The following TJP1 variants were observed in gnomAD, a reference collection of about 807,000 sequenced individuals.
TJP1 encodes tight junction protein ZO-1.
TJP1 carries 43 observed loss-of-function variants against 194.2 expected under a neutral mutation model. The observed-to-expected ratio is 0.22, with a 90% CI of 0.17 to 0.29. TJP1 has a LOEUF of 0.29. Among genes scored for constraint, TJP1 ranks in the 10% least tolerant of loss-of-function variants. The pLI is 1.00. For synonymous variants in TJP1, 801 were observed against 779.0 expected, an observed-to-expected ratio of 1.03 and a Z score of -0.47; for missense variants, 1,971 against 2,185.7, an observed-to-expected ratio of 0.90 and a Z score of 1.96.
rs145644312 is a variant in TJP1, at chr15:29,945,162, C to T, written c.306+11070G>A. 2.9e-3 allele frequency among the ~76,000 whole-genome samples: 448 copies of T among 152,278 alleles called. 8 individuals carry two copies. The highest frequency in any genetic ancestry group is 1.7e-3 in the Non-Finnish European group (114 of 68,026). On this transcript the variant is annotated intron_variant, in intron 2 of 28. Coordinates refer to the TJP1 transcript ENST00000356107. ...CTCTGGTGTTTCAAGTATATGGTCA[C>T]GGAGACAAGGGCCAGGTCAAAATGT... is the stretch of plus-strand genomic sequence containing the variant.
intron 1 of TJP1, among the ~76,000 whole-genome samples, chr15:29,803,488 T>C (rs983297926): frequency 6.6e-6 from 1 of 152,092 alleles, no homozygotes; most frequent in African/African-American, 2.4e-5. Context: ...TGATACTGGG[T>C]AGGTTGGGTG....
At chr15:29,867,781 C>T (rs982177944) in intron 2 of TJP1, among the ~76,000 whole-genome samples, 6 of 151,996 alleles carry the variant, frequency 3.9e-5, no homozygotes, top group African/African-American at 1.5e-4. Flanking sequence ...TAAGGCTGGA[C>T]GCAGTGGTTC....
In TJP1 at chr15:29,773,357, C is replaced by A; in HGVS notation, c.85G>T (p.Ala29Ser). 1 of 1,612,554 alleles carries A rather than the reference C, an allele frequency of 6.2e-7. No individual in the cohort carries two copies. Among genetic ancestry groups the A allele is most frequent in the Non-Finnish European group, 8.5e-7 (1 of 1,179,176 alleles). The change falls in exon 3 of 28, where the codon GCT (alanine) becomes TCT (serine). Residue 29 changes from alanine (A) to serine (S), a missense_variant and splice_region_variant. Around this residue, in one of 5 missense-constraint regions of TJP1, gnomAD observed 245 missense variants for 336.6 expected, o/e 0.73. Transcript: ENST00000614355. ...GCAATTCCAAATCCAAATCCAGGAG[C>A]CTAAAGTAAAAATTACAGTAAAATA... ...WEQHTVTLHR[A>S]PGFGFGIAIS...
intron 2 of TJP1, among the ~76,000 whole-genome samples, chr15:29,800,254 G>A (rs1475998730): frequency 6.6e-6 from 1 of 152,184 alleles, no homozygotes; most frequent in Non-Finnish European, 1.5e-5. Flanking sequence ...AATCAATTAA[G>A]TATCTTTTAG....
At position 29,831,356 on chromosome 15, in the gene TJP1, CA is replaced by C. The variant is rs532755467; in HGVS notation, c.307-30655del. On this transcript the variant is annotated intron_variant, in intron 2 of 28. Coordinates refer to the TJP1 transcript ENST00000356107. The stretch of plus-strand genomic sequence containing the variant: ...TTAGCATCACTGAAGGCAAGACAAG[CA>C]AACATTTATGCCTCCCATGTGAGGC... 2.4e-3 allele frequency among the ~76,000 whole-genome samples: 371 copies of C among 152,290 alleles called. 3 individuals are homozygous for C. The highest frequency in any genetic ancestry group is 8.5e-3 in the African/African-American group (352 of 41,546).
At chr15:29,958,884 T>G (rs2056049269) in intron 1 of TJP1, among the ~76,000 whole-genome samples, 1 of 149,512 alleles carries the variant, frequency 6.7e-6, no homozygotes, top group African/African-American at 2.5e-5. Context: ...TTGTGATTCT[T>G]TAACTTACTT....
At chr15:29,949,485 C>T (rs1275687850) in intron 2 of TJP1, among the ~76,000 whole-genome samples, 2 of 146,498 alleles carry the variant, frequency 1.4e-5, no homozygotes, top group African/African-American at 5.1e-5. Context: ...TCCACAACCA[C>T]CACCTCCACC....
At chr15:29,710,231 G>GA (rs889105577) in intron 24 of TJP1, among the ~76,000 whole-genome samples, 2 of 151,818 alleles carry the variant, frequency 1.3e-5, no homozygotes, top group Non-Finnish European at 2.9e-5. Flanking sequence ...GGGCATGTGT[G>GA]AAAAAAAATC....
Position 29,787,935 on chromosome 15 carries a change from G to A in TJP1, c.84+12711C>T, listed in dbSNP as rs1162022889. On this transcript the variant is annotated intron_variant, in intron 2 of 27. Transcript: ENST00000614355. The stretch of plus-strand genomic sequence containing the variant: ...GCTGCACCATTTTACAGTCCTATCA[G>A]CAATGTACAAAGGTTTTAATTTCTC... Among the ~76,000 whole-genome samples, 2 of 152,236 alleles carry A rather than the reference G, an allele frequency of 1.3e-5. 1 individual carries two copies.
At chr15:29,860,798 T>C (rs1309339587) in intron 2 of TJP1, among the ~76,000 whole-genome samples, 1 of 152,228 alleles carries the variant, frequency 6.6e-6, no homozygotes, top group Non-Finnish European at 1.5e-5. Flanking sequence ...ATGGAAGGTT[T>C]ATGGCAACCC....
At chr15:29,798,401 C>G (rs903024662) in intron 2 of TJP1, among the ~76,000 whole-genome samples, 6 of 152,008 alleles carry the variant, frequency 3.9e-5, no homozygotes, top group Non-Finnish European at 8.8e-5. Flanking sequence ...GTTATACTTA[C>G]CAGTTCGGCA....
chr15:29,840,839 A>G (rs1359215742), intron 2 of TJP1, among the ~76,000 whole-genome samples: 5 of 152,214 alleles, frequency 3.3e-5, no homozygotes, highest in Non-Finnish European at 7.3e-5. Flanking sequence ...AGTCCAGAGA[A>G]GGACACAAAA....
At position 29,731,412 on chromosome 15, in the gene TJP1, T is replaced by C. The variant is rs533803360; in HGVS notation, c.2017+1021A>G. ...TGAGACCTGACCCCTAGTCATTGGTTACCAGTGTGTCAGGCAATCTGGACT... is the reference window on the plus strand; with the variant it reads ...TGAGACCTGACCCCTAGTCATTGGTCACCAGTGTGTCAGGCAATCTGGACT... On this transcript the variant is annotated intron_variant, in intron 15 of 27. Coordinates refer to ENST00000614355, the MANE Select transcript of TJP1 (RefSeq NM_001330239.4). Among the ~76,000 whole-genome samples, 3 of 152,350 alleles carry C rather than the reference T, an allele frequency of 2.0e-5. No individual in the cohort carries two copies. The East Asian group carries it at 5.8e-4, about 29-fold the overall frequency.
In TJP1 at chr15:29,952,966, C is replaced by T. The variant is rs16954876; in HGVS notation, c.306+3266G>A. ...TACAGATCCTTTACCAAATACCTTC[C>T]CTTCAGACTTCTGTGGCTAAGGTTT... On this transcript the variant is annotated intron_variant, in intron 2 of 28. Transcript: ENST00000356107. Among the ~76,000 whole-genome samples, 1,413 of 152,168 alleles carry T rather than the reference C, an allele frequency of 9.3e-3. 19 individuals are homozygous for T. Among genetic ancestry groups the T allele is most frequent in the African/African-American group, 0.032 (1,316 of 41,508 alleles).
At chr15:29,960,772 A>G (rs1488801198) in intron 1 of TJP1, among the ~76,000 whole-genome samples, 2 of 152,192 alleles carry the variant, frequency 1.3e-5, no homozygotes, top group African/African-American at 4.8e-5. Flanking sequence ...GCTTCTACAG[A>G]GTAACTTCAG....
intron 2 of TJP1, among the ~76,000 whole-genome samples, chr15:29,866,837 T>C (rs2052321512): frequency 6.6e-6 from 1 of 152,206 alleles, no homozygotes; most frequent in South Asian, 2.1e-4. Flanking sequence ...GAAGGAGATC[T>C]GCAGGCTCTT....
At chr15:29,790,751 C>CTTTTTTTT (rs926624507) in intron 2 of TJP1, among the ~76,000 whole-genome samples, 5 of 130,788 alleles carry the variant, frequency 3.8e-5, no homozygotes, top group African/African-American at 8.4e-5. Context: ...GTTCATTTTT[C>CTTTTTTTT]TTTTTTTTTT....
chr15:29,867,912 C>T (rs1046756519), intron 2 of TJP1, among the ~76,000 whole-genome samples: 2 of 151,880 alleles, frequency 1.3e-5, no homozygotes, highest in Admixed American at 6.6e-5. Flanking sequence ...AAAAATTAGC[C>T]GGGTGTGGTG....
chr15:29,925,101 T>C (rs2054484532), intron 2 of TJP1, among the ~76,000 whole-genome samples: 1 of 152,222 alleles, frequency 6.6e-6, no homozygotes, highest in African/African-American at 2.4e-5. Flanking sequence ...GATTATGCTA[T>C]GCAAACAACC....
Sources: allele counts gnomAD v4.1 joint callset (sites outside exome capture counted in the v4.1 genomes callset), GRCh38; gene constraint gnomAD v4.1.1; regional missense constraint gnomAD v4.1.1; transcripts MANE v1.5; gene names NCBI Gene and HGNC (gene_info 2026-07-23, HGNC 2026-07-21).